Variants in CTNND2 observed in about 807,000 individuals in gnomAD.
CTNND2 encodes the protein catenin delta-2.
Under a neutral mutation model 144.4 loss-of-function variants are expected in CTNND2, and 22 were observed. That is an observed-to-expected ratio of 0.15 (90% CI 0.11 to 0.22). The LOEUF (loss-of-function observed/expected upper bound fraction) is 0.22, where lower values mean the gene tolerates loss of function less well. Among genes scored for constraint, CTNND2 ranks in the 10% least tolerant of loss-of-function variants. The pLI is 1.00. For missense variants in CTNND2, 1,353 were observed against 1,618.8 expected (o/e 0.84, Z 2.82); for synonymous variants, 751 against 695.6 (o/e 1.08, Z -1.25).
At chr5:11,828,573 G>T (rs1201376393) in intron 1 of CTNND2, among the ~76,000 whole-genome samples, 1 of 152,134 alleles carries the variant, frequency 6.6e-6, no homozygotes, top group Non-Finnish European at 1.5e-5. Context: ...TGCCCCACAA[G>T]CTCTCTCTGA....
chr5:11,184,784 A>G (rs182390440), intron 11 of CTNND2, among the ~76,000 whole-genome samples: 1 of 152,296 alleles, frequency 6.6e-6, no homozygotes, highest in Non-Finnish European at 1.5e-5. Context: ...GTTATGTAGA[A>G]ACTTATCAAG....
chr5:11,896,544 T>C (rs1737406562), intron 1 of CTNND2, among the ~76,000 whole-genome samples: 1 of 152,218 alleles, frequency 6.6e-6, no homozygotes, highest in Non-Finnish European at 1.5e-5. Flanking sequence ...CTTTAAGTCA[T>C]GCATTCAGCT....
At chr5:11,783,475 T>A (rs4702828) in intron 1 of CTNND2, among the ~76,000 whole-genome samples, 1 of 152,162 alleles carries the variant, frequency 6.6e-6, no homozygotes, top group Admixed American at 6.5e-5. Flanking sequence ...TCTAGCCATG[T>A]ATGTGCTTCC....
intron 3 of CTNND2, among the ~76,000 whole-genome samples, chr5:11,563,631 G>A (rs569078339): frequency 6.6e-6 from 1 of 152,218 alleles, no homozygotes; most frequent in African/African-American, 2.4e-5. Flanking sequence ...ACATTTGGAT[G>A]CAGAAGCAGA....
intron 9 of CTNND2, among the ~76,000 whole-genome samples, chr5:11,241,703 G>GT (rs916383825): frequency 1.1e-4 from 17 of 152,276 alleles, no homozygotes; most frequent in Admixed American, 1.1e-3. Context: ...ATTCCGTTTG[G>GT]TTTTCTTTTT....
chr5:11,899,310 T>C (rs1465276682), intron 1 of CTNND2, among the ~76,000 whole-genome samples: 2 of 152,236 alleles, frequency 1.3e-5, no homozygotes, highest in African/African-American at 4.8e-5. Flanking sequence ...CATTAATCTT[T>C]GTAGAAAATT....
intron 9 of CTNND2, among the ~76,000 whole-genome samples, chr5:11,337,437 T>C (rs1045412706): frequency 2.0e-5 from 3 of 152,216 alleles, no homozygotes; most frequent in African/African-American, 7.2e-5. Flanking sequence ...CCAAGGACCT[T>C]TCTTCTCATT....
chr5:11,674,095 G>A (rs560191267), intron 2 of CTNND2, among the ~76,000 whole-genome samples: 32 of 152,274 alleles, frequency 2.1e-4, no homozygotes, highest in Non-Finnish European at 4.1e-4. Context: ...TTATTCCCAA[G>A]CAAGTCTACA....
In CTNND2 at chr5:11,277,918, C is replaced by T. The variant is rs182394732; in HGVS notation, c.1629-41095G>A. Reference sequence around the variant, plus strand: ...CAGACACCCAACCACCCCATAGCTCCGGTCTCTCTCTCAGAAAGCCAGCAT... The same window carrying T: ...CAGACACCCAACCACCCCATAGCTCTGGTCTCTCTCTCAGAAAGCCAGCAT... On this transcript the variant is annotated intron_variant, in intron 9 of 21. Coordinates refer to ENST00000304623, the MANE Select transcript of CTNND2 (RefSeq NM_001332.4). 4.7e-4 allele frequency among the ~76,000 whole-genome samples: 69 copies of T among 147,682 alleles called. 1 individual carries two copies. The highest frequency in any genetic ancestry group is 1.5e-3 in the African/African-American group (59 of 40,314).
chr5:11,249,955 A>C (rs1455307877), intron 9 of CTNND2, among the ~76,000 whole-genome samples: 1 of 152,142 alleles, frequency 6.6e-6, no homozygotes, highest in African/African-American at 2.4e-5. Flanking sequence ...TAATATGAGG[A>C]TATAAAGGGC....
intron 10 of CTNND2, among the ~76,000 whole-genome samples, chr5:11,206,424 G>A (rs1353104553): frequency 2.0e-5 from 3 of 152,080 alleles, no homozygotes; most frequent in Non-Finnish European, 4.4e-5. Flanking sequence ...CCCAAGAAAG[G>A]CCTCTCCATT....
At chr5:11,040,428 C>T (rs2149566485) in intron 16 of CTNND2, among the ~76,000 whole-genome samples, 1 of 152,294 alleles carries the variant, frequency 6.6e-6, no homozygotes, top group African/African-American at 2.4e-5. Flanking sequence ...GTATGCATTT[C>T]TTTCAAGAGT....
At chr5:11,511,575 T>G (rs929464015) in intron 3 of CTNND2, among the ~76,000 whole-genome samples, 1 of 152,200 alleles carries the variant, frequency 6.6e-6, no homozygotes, top group Non-Finnish European at 1.5e-5. Context: ...TATCTTCTAA[T>G]TTCTAGCTAT....
chr5:11,686,420 T>C, intron 2 of CTNND2, among the ~76,000 whole-genome samples: 1 of 152,138 alleles, frequency 6.6e-6, no homozygotes, highest in Non-Finnish European at 1.5e-5. Context: ...GCAATCAATC[T>C]TTTGTCAGAG....
intron 1 of CTNND2, among the ~76,000 whole-genome samples, chr5:11,811,427 G>A (rs1792326947): frequency 6.6e-6 from 1 of 152,120 alleles, no homozygotes; most frequent in Non-Finnish European, 1.5e-5. Context: ...TTCCACATGA[G>A]ATTTCTTTAA....
intron 3 of CTNND2, among the ~76,000 whole-genome samples, chr5:11,476,683 A>G (rs935279226): frequency 6.6e-6 from 1 of 152,240 alleles, no homozygotes. Context: ...AGCAAGAAAC[A>G]TATACTAAAT....
intron 1 of CTNND2, among the ~76,000 whole-genome samples, chr5:11,879,099 A>T (rs1450808047): frequency 1.3e-5 from 2 of 151,978 alleles, no homozygotes; most frequent in Admixed American, 6.6e-5. Flanking sequence ...GGCAGATGCC[A>T]AGTGGCACCG....
intron 1 of CTNND2, among the ~76,000 whole-genome samples, chr5:11,880,880 GTACTAC>G (rs72004833): frequency 6.4e-4 from 80 of 124,862 alleles, no homozygotes; most frequent in Non-Finnish European, 1.1e-3. Context: ...ACTGCTACTA[GTACTAC>G]TACTACTACC....
At chr5:11,191,888 C>T (rs1453262339) in intron 11 of CTNND2, among the ~76,000 whole-genome samples, 1 of 152,214 alleles carries the variant, frequency 6.6e-6, no homozygotes, top group African/African-American at 2.4e-5. Context: ...TCCCCTGCTT[C>T]ACATCCTGCT....
Sources: allele counts gnomAD v4.1 joint callset (sites outside exome capture counted in the v4.1 genomes callset), GRCh38; gene constraint gnomAD v4.1.1; transcripts MANE v1.5; gene names NCBI Gene and HGNC (gene_info 2026-07-23, HGNC 2026-07-21).